TMEM117: variants seen among roughly 807,000 people sequenced by gnomAD.
TMEM117 encodes transmembrane protein 117.
A neutral mutation model predicts 52.4 loss-of-function variants in TMEM117; 27 were observed. The ratio of observed to expected loss-of-function variants is 0.51; its 90% CI spans 0.38 to 0.71. TMEM117 has a LOEUF of 0.71. Among genes scored for constraint, TMEM117 ranks in the 30% least tolerant of loss-of-function variants. The pLI is 0.00. For synonymous variants in TMEM117, 215 were observed against 206.3 expected (o/e 1.04, Z -0.36); for missense variants, 556 against 630.5 (o/e 0.88, Z 1.26).
chr12:44,116,067 T>G (rs764261545), intron 3 of TMEM117, among the ~76,000 whole-genome samples: 2 of 152,208 alleles, frequency 1.3e-5, no homozygotes, highest in Non-Finnish European at 2.9e-5. Flanking sequence ...CTCTTCTCAA[T>G]CACTGAAAAT....
intron 3 of TMEM117, among the ~76,000 whole-genome samples, chr12:43,974,401 T>C (rs187352251): frequency 1.8e-4 from 27 of 152,236 alleles, no homozygotes; most frequent in African/African-American, 6.0e-4. Context: ...AATATTAATA[T>C]TATTTATTTA....
At chr12:43,888,295 A>G (rs61930709) in intron 2 of TMEM117, among the ~76,000 whole-genome samples, 7,068 of 152,282 alleles carry the variant, frequency 0.046, 214 homozygotes, top group Middle Eastern at 0.13. Context: ...CTAATTTACT[A>G]TTCTGTATGT....
intron 2 of TMEM117, among the ~76,000 whole-genome samples, chr12:43,942,511 C>G (rs1240977184): frequency 1.3e-5 from 2 of 152,040 alleles, no homozygotes; most frequent in Non-Finnish European, 2.9e-5. Context: ...TTTCCACTTT[C>G]TTCTTTTAGT....
At chr12:43,997,832 A>G (rs1352689849) in intron 3 of TMEM117, among the ~76,000 whole-genome samples, 2 of 152,170 alleles carry the variant, frequency 1.3e-5, no homozygotes, top group Non-Finnish European at 2.9e-5. Context: ...GTATATGAGG[A>G]AACTGAGCCT....
At chr12:43,992,837 T>C (rs1234151874) in intron 3 of TMEM117, among the ~76,000 whole-genome samples, 1 of 152,228 alleles carries the variant, frequency 6.6e-6, no homozygotes, top group East Asian at 1.9e-4. Context: ...AAGTCTTCCC[T>C]GATCCCTTAG....
chr12:44,269,003 T>C (rs115509988), intron 5 of TMEM117, among the ~76,000 whole-genome samples: 1,836 of 152,294 alleles, frequency 0.012, 31 homozygotes, highest in African/African-American at 0.042. Context: ...CGATTATCCA[T>C]TTCTGAATTT....
At chr12:44,387,163 G>A (rs1362622007) in intron 7 of TMEM117, among the ~76,000 whole-genome samples, 3 of 151,348 alleles carry the variant, frequency 2.0e-5, no homozygotes, top group East Asian at 3.9e-4. Flanking sequence ...AGTATCACTC[G>A]AAAGTTTTTT....
chr12:44,189,466 C>T (rs1414446578), intron 4 of TMEM117, among the ~76,000 whole-genome samples: 2 of 152,140 alleles, frequency 1.3e-5, no homozygotes, highest in African/African-American at 2.4e-5. Flanking sequence ...ATAGTACCCT[C>T]CAGGCAATAA....
At chr12:43,940,314 G>A (rs1206791274) in intron 2 of TMEM117, among the ~76,000 whole-genome samples, 1 of 152,148 alleles carries the variant, frequency 6.6e-6, no homozygotes, top group Non-Finnish European at 1.5e-5. Context: ...ACTCTTTAGT[G>A]TATTTCTTTG....
At chr12:44,005,124 C>A (rs1406466138) in intron 3 of TMEM117, among the ~76,000 whole-genome samples, 2 of 151,970 alleles carry the variant, frequency 1.3e-5, no homozygotes, top group African/African-American at 4.8e-5. Flanking sequence ...CACAGTAGCC[C>A]TAGGAGGTAG....
intron 6 of TMEM117, among the ~76,000 whole-genome samples, chr12:44,344,326 AG>A (rs1175761883): frequency 6.6e-6 from 1 of 152,258 alleles, no homozygotes; most frequent in African/African-American, 2.4e-5. Flanking sequence ...TAGCTTTATA[AG>A]TATGCCACTT....
intron 5 of TMEM117, among the ~76,000 whole-genome samples, chr12:44,238,075 A>G (rs1278600985): frequency 1.3e-5 from 2 of 152,198 alleles, no homozygotes; most frequent in East Asian, 1.9e-4. Context: ...ACATATCATC[A>G]TGGCTTTGAC....
chr12:44,254,931 A>G (rs1950241898), intron 5 of TMEM117, among the ~76,000 whole-genome samples: 1 of 151,854 alleles, frequency 6.6e-6, no homozygotes, highest in African/African-American at 2.4e-5. Flanking sequence ...TCCTTGCGAT[A>G]GTTTGCTGAG....
intron 2 of TMEM117, among the ~76,000 whole-genome samples, chr12:43,847,969 C>T (rs576541730): frequency 5.9e-5 from 9 of 152,054 alleles, no homozygotes; most frequent in African/African-American, 9.7e-5. Flanking sequence ...CTGTGATGCC[C>T]GCCTGAGTCT....
At chr12:44,052,169 T>A (rs1012302777) in intron 3 of TMEM117, among the ~76,000 whole-genome samples, 1 of 152,256 alleles carries the variant, frequency 6.6e-6, no homozygotes, top group Non-Finnish European at 1.5e-5. Context: ...TTTATCTCAT[T>A]GAATAACTAG....
intron 2 of TMEM117, among the ~76,000 whole-genome samples, chr12:43,938,932 G>A (rs1347065270): frequency 6.6e-6 from 1 of 151,954 alleles, no homozygotes; most frequent in African/African-American, 2.4e-5. Context: ...CCCAGGCGGT[G>A]GAGGTTGCAG....
intron 3 of TMEM117, among the ~76,000 whole-genome samples, chr12:44,026,908 A>G (rs1187016118): frequency 6.6e-6 from 1 of 151,810 alleles, no homozygotes; most frequent in African/African-American, 2.4e-5. Context: ...GACATTTAAC[A>G]TGGATGTGGT....
intron 5 of TMEM117, among the ~76,000 whole-genome samples, chr12:44,212,606 A>G (rs917328688): frequency 2.6e-5 from 4 of 152,190 alleles, no homozygotes; most frequent in Admixed American, 6.5e-5. Flanking sequence ...ATGTTTGTGC[A>G]TAGGATATAT....
downstream of TMEM117, among the ~76,000 whole-genome samples, chr12:44,390,636 A>T (rs539308817): frequency 1.3e-5 from 2 of 152,012 alleles, no homozygotes; most frequent in South Asian, 2.1e-4. Flanking sequence ...AAAAACTATT[A>T]AAAAAATGAA....
Sources: gnomAD v4.1 joint callset for allele counts (sites outside exome capture counted in the v4.1 genomes callset) on GRCh38, gnomAD v4.1.1 for gene constraint, MANE v1.5 for transcripts, NCBI Gene and HGNC (gene_info 2026-07-23, HGNC 2026-07-21) for gene names.